The following SLC16A12 variants were observed in gnomAD, a reference collection of about 807,000 sequenced individuals.
SLC16A12 encodes solute carrier family 16 member 12.
In SLC16A12, 17 loss-of-function variants were observed where a neutral mutation model predicts 42.4. That is an observed-to-expected ratio of 0.40 (90% confidence interval 0.27 to 0.60). SLC16A12 has a LOEUF of 0.60. Ranked by LOEUF, SLC16A12 falls within the 20% of genes least tolerant of loss-of-function variation. The pLI, the probability that SLC16A12 is intolerant of heterozygous loss-of-function variation, is 0.42. For synonymous variants in SLC16A12, 224 were observed against 229.4 expected (o/e 0.98, Z 0.21); for missense variants, 544 against 623.0 (o/e 0.87, Z 1.35).
At chr10:89,441,639 G>A (rs1841913576) in intron 4 of SLC16A12, among the ~76,000 whole-genome samples, 1 of 152,186 alleles carries the variant, frequency 6.6e-6, no homozygotes, top group African/African-American at 2.4e-5. Flanking sequence ...GTTAATTGCT[G>A]GAGAAAGAAA....
chr10:89,439,920 C>G (rs1461468702), intron 5 of SLC16A12, among the ~76,000 whole-genome samples: 1 of 150,868 alleles, frequency 6.6e-6, no homozygotes, highest in African/African-American at 2.4e-5. Context: ...AAAAAAAATA[C>G]AAAAATTAAC....
At chr10:89,462,181 C>G (rs749484599) in intron 3 of SLC16A12, among the ~76,000 whole-genome samples, 198 bp downstream of exon 3, 1 of 151,958 alleles carries the variant, frequency 6.6e-6, no homozygotes, top group Non-Finnish European at 1.5e-5. Flanking sequence ...GAAAAGACCA[C>G]TATCTGGGAC....
At chr10:89,488,977 A>G (rs999726569) in intron 2 of SLC16A12, among the ~76,000 whole-genome samples, 2 of 152,208 alleles carry the variant, frequency 1.3e-5, no homozygotes, top group Non-Finnish European at 2.9e-5. Flanking sequence ...TTCTTTCATG[A>G]TGAAAGAAAA....
At chr10:89,440,413 C>T (rs1413037836) in intron 5 of SLC16A12, among the ~76,000 whole-genome samples, 2 of 152,216 alleles carry the variant, frequency 1.3e-5, no homozygotes, top group South Asian at 2.1e-4. Flanking sequence ...TTTATAGCCT[C>T]ACTATGAGGT....
At chr10:89,544,847 T>C (rs1843734139) in intron 2 of SLC16A12, among the ~76,000 whole-genome samples, 1 of 152,072 alleles carries the variant, frequency 6.6e-6, no homozygotes, top group Non-Finnish European at 1.5e-5. Flanking sequence ...ATAGCTGGGG[T>C]TTTCTCTACC....
At chr10:89,545,833 T>C (rs1843739494) in intron 2 of SLC16A12, among the ~76,000 whole-genome samples, 1 of 152,164 alleles carries the variant, frequency 6.6e-6, no homozygotes, top group Non-Finnish European at 1.5e-5. Context: ...CAAAACAGCA[T>C]GGTACTGGTA....
In SLC16A12 at chr10:89,441,216, A is replaced by G. The variant is rs778603717; in HGVS notation, c.340T>C (p.Cys114Arg). The change falls in exon 5 of 8, where the codon TGT (cysteine) becomes CGT (arginine). Residue 114 changes from cysteine (C) to arginine (R), a missense_variant. Transcript: ENST00000371790. ...LGSVVSNHLS[C>R]QVGIMLGGLL... ...CCACCCAGCATGATTCCCACTTGAC[A>G]GGATAAATGGTTACTGACAACACTC... 3 of 1,614,092 alleles carry G rather than the reference A, an allele frequency of 1.9e-6. No homozygotes were observed. The highest frequency in any genetic ancestry group is 2.5e-6 in the Non-Finnish European group (3 of 1,179,960).
intron 2 of SLC16A12, among the ~76,000 whole-genome samples, chr10:89,484,523 A>T (rs1842719181): frequency 6.6e-6 from 1 of 152,188 alleles, no homozygotes; most frequent in Non-Finnish European, 1.5e-5. Context: ...TACACAAGTG[A>T]TAATTATTAT....
At chr10:89,500,404 T>C (rs533588510) in intron 2 of SLC16A12, among the ~76,000 whole-genome samples, 2 of 152,178 alleles carry the variant, frequency 1.3e-5, no homozygotes, top group Non-Finnish European at 2.9e-5. Context: ...AAATACTAGC[T>C]AACTGAATCC....
chr10:89,489,331 T>G (rs1180031160), intron 2 of SLC16A12, among the ~76,000 whole-genome samples: 1 of 152,038 alleles, frequency 6.6e-6, no homozygotes, highest in Non-Finnish European at 1.5e-5. Context: ...TTATTTTACT[T>G]TATTTTATTT....
chr10:89,433,496 A>G (rs1438648610), intron 7 of SLC16A12, among the ~76,000 whole-genome samples, 170 bp from the exon 8 acceptor site: 1 of 152,220 alleles, frequency 6.6e-6, no homozygotes, highest in Non-Finnish European at 1.5e-5. Flanking sequence ...TGAAAAATAC[A>G]TTCTGTTTTC....
At chr10:89,515,403 T>A (rs1187012960) in intron 2 of SLC16A12, among the ~76,000 whole-genome samples, 1 of 152,196 alleles carries the variant, frequency 6.6e-6, no homozygotes, top group Non-Finnish European at 1.5e-5. Context: ...TTCATTCATT[T>A]GCTAAAACAG....
At chr10:89,486,121 A>G (rs966512386) in intron 2 of SLC16A12, among the ~76,000 whole-genome samples, 1 of 152,148 alleles carries the variant, frequency 6.6e-6, no homozygotes, top group African/African-American at 2.4e-5. Context: ...ATAGTTTTTC[A>G]TCAATAAGCT....
Position 89,433,252 on chromosome 10 carries a change from C to T in SLC16A12, c.1363G>A (p.Val455Met). Reference sequence around the variant, plus strand: ...ATAAGTCTAGCAAAGCCAAGCAACACAGAACTAAATATCATTGAAAATCCA... The same window carrying T: ...ATAAGTCTAGCAAAGCCAAGCAACATAGAACTAAATATCATTGAAAATCCA... ...LCGFSMIFSS[V>M]LLGFARLIKR... Residue 455 changes from valine to methionine, a missense_variant, in exon 8 of 8, where the codon GTG becomes ATG. By Grantham distance (21) the Val-to-Met change is conservative (BLOSUM62 1). Transcript: ENST00000371790. 6.2e-7 allele frequency: 1 copy of T among 1,614,218 alleles called. No individual in the cohort carries two copies. The highest frequency in any genetic ancestry group is 8.5e-7 in the Non-Finnish European group (1 of 1,180,040).
chr10:89,540,796 A>G (rs1482463849), intron 2 of SLC16A12, among the ~76,000 whole-genome samples: 1 of 152,196 alleles, frequency 6.6e-6, no homozygotes, highest in Non-Finnish European at 1.5e-5. Context: ...CATCATTTTA[A>G]CCCATTTATC....
chr10:89,438,964 A>T lies in SLC16A12; in HGVS notation c.668T>A (p.Leu223Ter). The T allele has an allele frequency of 1.2e-6, 2 of 1,614,184 alleles. No homozygotes were observed. Among genetic ancestry groups the T allele is most frequent in the Non-Finnish European group, 1.7e-6 (2 of 1,180,028 alleles). ...FVLNLCVCGA[L>*]MRPITLKEDH... Reference sequence around the variant, plus strand: ...CTCTTTAAGAGTAATTGGCCTCATCAAGGCACCACATACACAGAGATTCAA... The same window carrying T: ...CTCTTTAAGAGTAATTGGCCTCATCTAGGCACCACATACACAGAGATTCAA... The change falls in exon 6 of 8, where the codon TTG becomes TAG. Residue 223 changes from leucine to a stop codon, truncating the protein, a stop_gained. Coordinates refer to ENST00000371790, the MANE Select transcript of SLC16A12 (RefSeq NM_213606.4). LOFTEE classifies it high-confidence loss of function.
intron 2 of SLC16A12, among the ~76,000 whole-genome samples, chr10:89,504,928 C>T (rs187996708): frequency 1.5e-4 from 23 of 152,114 alleles, no homozygotes; most frequent in African/African-American, 5.3e-4. Flanking sequence ...ACAGAGTGTG[C>T]CAGGGAGCAT....
At chr10:89,436,392 G>A (rs1423101615) in intron 6 of SLC16A12, 73 bp from the exon 7 acceptor site, 1 of 1,548,206 alleles carries the variant, frequency 6.5e-7, no homozygotes, top group East Asian at 2.2e-5. Context: ...CCACGGCTAT[G>A]CAGCAGTAAG....
At chr10:89,479,323 G>A (rs1002536507) in intron 2 of SLC16A12, among the ~76,000 whole-genome samples, 3 of 150,864 alleles carry the variant, frequency 2.0e-5, no homozygotes, top group Non-Finnish European at 3.0e-5. Context: ...TTTTTCATGT[G>A]GGATCTGCCT....
Sources: allele counts gnomAD v4.1 joint callset (sites outside exome capture counted in the v4.1 genomes callset), GRCh38; gene constraint gnomAD v4.1.1; transcripts MANE v1.5; gene names NCBI Gene and HGNC (gene_info 2026-07-23, HGNC 2026-07-21).